Variants in SLC6A2 observed in about 807,000 individuals in gnomAD.
The protein encoded by SLC6A2 is sodium-dependent noradrenaline transporter.
A neutral mutation model predicts 71.7 loss-of-function variants in SLC6A2; 26 were observed. The ratio of observed to expected loss-of-function variants is 0.36; its 90% CI spans 0.27 to 0.50. The LOEUF (loss-of-function observed/expected upper bound fraction) is 0.50. Ranked by LOEUF, SLC6A2 falls within the 20% of genes least tolerant of loss-of-function variation. SLC6A2 has a pLI of 0.96. For synonymous variants in SLC6A2, 363 were observed against 337.9 expected (o/e 1.07, Z -0.82); for missense variants, 581 against 803.9 (o/e 0.72, Z 3.35).
intron 2 of SLC6A2, among the ~76,000 whole-genome samples, chr16:55,659,406 G>A (rs1342518326): frequency 6.6e-6 from 1 of 152,138 alleles, no homozygotes; most frequent in Non-Finnish European, 1.5e-5. Flanking sequence ...AGGTTCTTAG[G>A]ATGCAAAATG....
chr16:55,697,702 A>C (rs1047170522), intron 9 of SLC6A2, among the ~76,000 whole-genome samples, 195 bp from the exon 10 acceptor site: 16 of 148,224 alleles, frequency 1.1e-4, no homozygotes, highest in African/African-American at 3.6e-4. Flanking sequence ...GTAGTTTCTG[A>C]GTTCTGAGTT....
chr16:55,701,893 G>C lies in SLC6A2; in HGVS notation c.1789G>C (p.Glu597Gln). The change falls in exon 14 of 15, where the codon GAG becomes CAG. Residue 597 changes from glutamate to glutamine, a missense_variant. Transcript: ENST00000568943. ...RLAYGITPEN[E>Q]HHLVAQRDIR... ...GGCCTATGGCATCACGCCAGAGAAC[G>C]AGCACCACCTGGTGGCTCAGAGGGA... The C allele has an allele frequency of 6.2e-6, 10 of 1,614,114 alleles. No individual in the cohort carries two copies. Among genetic ancestry groups the C allele is most frequent in the Non-Finnish European group, 8.5e-6 (10 of 1,179,952 alleles).
chr16:55,667,493 A>G (rs1266569881), intron 2 of SLC6A2, among the ~76,000 whole-genome samples: 1 of 152,222 alleles, frequency 6.6e-6, no homozygotes, highest in Non-Finnish European at 1.5e-5. Flanking sequence ...TGTTACTTTC[A>G]GCAACCCCAC....
At chr16:55,674,362 T>A (rs768557965) in intron 4 of SLC6A2, among the ~76,000 whole-genome samples, 9 of 152,186 alleles carry the variant, frequency 5.9e-5, no homozygotes, top group Non-Finnish European at 1.0e-4. Context: ...GCAAAGGACA[T>A]GATTTTGTCC....
At chr16:55,664,935 C>T (rs60994176) in intron 2 of SLC6A2, among the ~76,000 whole-genome samples, 7,187 of 152,234 alleles carry the variant, frequency 0.047, 482 homozygotes, top group African/African-American at 0.14. Context: ...CGGTGGAATT[C>T]CCTGCCCAAA....
At chr16:55,672,802 T>C (rs1340495853) in intron 4 of SLC6A2, among the ~76,000 whole-genome samples, 1 of 152,246 alleles carries the variant, frequency 6.6e-6, no homozygotes, top group Non-Finnish European at 1.5e-5. Context: ...GAGAAATTAT[T>C]TGGACCATGT....
rs763105657 is a variant in SLC6A2 at position 55,685,145 on chromosome 16, G to C, written c.647G>C (p.Arg216Pro). The change falls in exon 5 of 15, where the codon CGT becomes CCT. Residue 216 changes from arginine to proline, a missense_variant and splice_region_variant. Transcript: ENST00000568943. ...KFTPAAEFYE[R>P]GVLHLHESSG... ...CCCCTCCCCTCTCCTCTGGGCAGGCGTGGTGTCCTGCACCTTCACGAGAGC... is the reference window on the plus strand; with the variant it reads ...CCCCTCCCCTCTCCTCTGGGCAGGCCTGGTGTCCTGCACCTTCACGAGAGC... The C allele has an allele frequency of 6.2e-7, 1 of 1,614,114 alleles. No homozygotes were observed. Among genetic ancestry groups the C allele is most frequent in the Non-Finnish European group, 8.5e-7 (1 of 1,180,012 alleles).
At chr16:55,700,027 T>G (rs1156358117) in intron 12 of SLC6A2, 112 bp from the exon 13 acceptor site, 1 of 857,536 alleles carries the variant, frequency 1.2e-6, no homozygotes, top group African/African-American at 1.7e-5. Context: ...TTTGCTGTGA[T>G]GCTCACTTCT....
Position 55,702,416 on chromosome 16 carries a change from C to T in SLC6A2, c.*70C>T. On this transcript the variant is annotated 3_prime_UTR_variant, in exon 15 of 15. Coordinates refer to ENST00000568943, the MANE Select transcript of SLC6A2 (RefSeq NM_001172501.3). ...TCACAGGCATCCGCTGCGCTCCCAC[C>T]TCGGACACCATCTTGGGATTCCTCC... 6.2e-7 allele frequency: 1 copy of T among 1,613,880 alleles called. No homozygotes were observed. Among genetic ancestry groups the T allele is most frequent in the Non-Finnish European group, 8.5e-7 (1 of 1,179,906 alleles).
At chr16:55,688,661 TG>T (rs768608871) in intron 5 of SLC6A2, among the ~76,000 whole-genome samples, 1 of 152,132 alleles carries the variant, frequency 6.6e-6, no homozygotes, top group Non-Finnish European at 1.5e-5. Flanking sequence ...TCTGATTCAG[TG>T]GGGATGAGGT....
At position 55,671,765 on chromosome 16, in the gene SLC6A2, A is replaced by G. The variant is rs978845282; in HGVS notation, c.407-173A>G. 6.4e-6 allele frequency: 9 copies of G among 1,401,908 alleles called. No homozygotes were observed. The African/African-American group carries it at 1.2e-4, about 18-fold the overall frequency. The allele number at this position is 1,401,908 out of a possible 1,614,324, so 86.8% of individuals were successfully genotyped here. ...ACTACCCCCACCCCAAAATCTGTGG[A>G]AAAATTGTCTTCCATGCGACAGGTC... On this transcript the variant is annotated intron_variant, in intron 3 of 14. Coordinates refer to ENST00000568943, the MANE Select transcript of SLC6A2 (RefSeq NM_001172501.3).
chr16:55,692,153 G>A lies in SLC6A2; in HGVS notation c.918+101G>A, dbSNP rs1965654029. 6 of 1,359,136 alleles carry A rather than the reference G, an allele frequency of 4.4e-6. No individual in the cohort carries two copies. In the South Asian group the frequency reaches 4.7e-5, roughly 11 times the overall value. The allele number at this position is 1,359,136 out of a possible 1,614,324, so 84.2% of individuals were successfully genotyped here. ...CTGGTCCCAGCTCTGCCACAAATGT[G>A]CAGTGTAGCCTTGGACAGGATCCTT... On this transcript the variant is annotated intron_variant, in intron 6 of 14. Transcript: ENST00000568943.
chr16:55,698,664 C>T (rs1965875971), intron 11 of SLC6A2, 96 bp downstream of exon 11: 2 of 851,582 alleles, frequency 2.3e-6, no homozygotes, highest in Non-Finnish European at 4.0e-6. Context: ...GGACAGCCAC[C>T]TAAAATTCCA....
Position 55,661,293 on chromosome 16 carries a change from G to A in SLC6A2, c.274+4325G>A, listed in dbSNP as rs547301644. On this transcript the variant is annotated intron_variant, in intron 2 of 14. Coordinates refer to ENST00000568943, the MANE Select transcript of SLC6A2 (RefSeq NM_001172501.3). ...CCAGCTTAGAGCTGTGCATTGTAGA[G>A]AAATATAGTCTTTAGGTTCAGGGTC... Among the ~76,000 whole-genome samples the A allele has an allele frequency of 5.9e-5, 9 of 152,314 alleles. No homozygotes were observed. The South Asian group carries it at 1.9e-3, about 32-fold the overall frequency.
rs1276244155 is a variant in SLC6A2, at chr16:55,700,212, A to G, written c.1664A>G (p.Asn555Ser). ...YDDYIFPPWA[N>S]WVGWGIALSS... ...GACTACATCTTCCCGCCCTGGGCCA[A>G]CTGGGTGGGGTGGGGCATCGCCCTG... Residue 555 changes from asparagine (N) to serine (S), a missense_variant, in exon 13 of 15, where the codon AAC (asparagine) becomes AGC (serine). Around this residue, in one of 5 missense-constraint regions of SLC6A2, gnomAD observed 334 missense variants for 449.0 expected, o/e 0.74. Transcript: ENST00000568943. 7.4e-6 allele frequency: 12 copies of G among 1,614,004 alleles called. No homozygotes were observed. Among genetic ancestry groups the G allele is most frequent in the Non-Finnish European group, 1.0e-5 (12 of 1,179,922 alleles).
At position 55,704,340 on chromosome 16, in the gene SLC6A2, A is replaced by G. The variant is rs1966056768; in HGVS notation, c.*1994A>G. The G allele has an allele frequency of 6.6e-6, 1 of 152,192 alleles. No homozygotes were observed. Among genetic ancestry groups the G allele is most frequent in the South Asian group, 2.1e-4 (1 of 4,826 alleles). 9.4% of individuals were successfully genotyped at this position (152,192 alleles called of 1,614,324 possible). A position where few individuals can be genotyped will look rare whatever the true frequency, so the allele number is the denominator to read the frequency against. ...CTCAAGGTTTTTTAGCAACTAACAGATCGAGTTGGGCCTTCAATTCACATC... is the reference window on the plus strand; with the variant it reads ...CTCAAGGTTTTTTAGCAACTAACAGGTCGAGTTGGGCCTTCAATTCACATC... On this transcript the variant is annotated 3_prime_UTR_variant, in exon 15 of 15. Coordinates refer to ENST00000568943, the MANE Select transcript of SLC6A2 (RefSeq NM_001172501.3).
In SLC6A2 at chr16:55,683,003, G is replaced by T. The variant is rs78125797; in HGVS notation, c.645-2140G>T. The stretch of plus-strand genomic sequence containing the variant: ...GTGTGTCCGAGGCCCAGATGGGCTG[G>T]CTCACAGCCGGCCTTCAGTGACAAA... On this transcript the variant is annotated intron_variant, in intron 4 of 14. Transcript: ENST00000568943. 9.5e-3 allele frequency among the ~76,000 whole-genome samples: 1,445 copies of T among 152,334 alleles called. 32 individuals are homozygous for T. The highest frequency in any genetic ancestry group is 0.079 in the South Asian group (381 of 4,822).
intron 11 of SLC6A2, 55 bp from the exon 12 acceptor site, chr16:55,699,499 C>A: frequency 7.1e-7 from 1 of 1,409,752 alleles, no homozygotes; most frequent in Non-Finnish European, 1.0e-6. Flanking sequence ...ATGGGAGGAC[C>A]TGGCCCTGGC....
At chr16:55,699,926 T>C (rs1271556994) in intron 12 of SLC6A2, among the ~76,000 whole-genome samples, 2 of 152,180 alleles carry the variant, frequency 1.3e-5, no homozygotes, top group African/African-American at 4.8e-5. Flanking sequence ...CTCCCTGTCA[T>C]ATCTGCCTCC....
Sources: allele counts gnomAD v4.1 joint callset (sites outside exome capture counted in the v4.1 genomes callset), GRCh38; gene constraint gnomAD v4.1.1; regional missense constraint gnomAD v4.1.1; transcripts MANE v1.5; gene names NCBI Gene and HGNC (gene_info 2026-07-23, HGNC 2026-07-21).